Variants in KRT73 observed in about 807,000 individuals in gnomAD.
The protein encoded by KRT73 is keratin 73.
A neutral mutation model predicts 47.2 loss-of-function variants in KRT73; 44 were observed. That is an observed-to-expected ratio of 0.93 (90% CI 0.73 to 1.20). KRT73 has a LOEUF of 1.20. Among genes scored for constraint, KRT73 ranks in the 50% most tolerant of loss-of-function variants. KRT73 has a pLI of 0.00. For missense variants in KRT73, 713 were observed against 704.5 expected, an observed-to-expected ratio of 1.01 and a Z score of -0.14; for synonymous variants, 285 against 291.3, an observed-to-expected ratio of 0.98 and a Z score of 0.22.
upstream of KRT73, among the ~76,000 whole-genome samples, chr12:52,619,822 A>T (rs1940872961): frequency 6.6e-6 from 1 of 152,192 alleles, no homozygotes. Flanking sequence ...ATATATCCAT[A>T]GTATAGAATT....
At position 52,613,815 on chromosome 12, in the gene KRT73, G is replaced by C. The variant is rs1449855064; in HGVS notation, c.857C>G (p.Ser286Cys). The C allele has an allele frequency of 2.5e-6, 4 of 1,614,210 alleles. No individual in the cohort carries two copies. The East Asian group carries it at 8.9e-5, about 36-fold the overall frequency. ...AQIQSHISDT[S>C]IILSMDNNRN... ...GTTGTTGTCCATGGACAGGATGATG[G>C]ACGTGTCGCTGATGTGGGACTGGAT... is the stretch of plus-strand genomic sequence containing the variant. Residue 286 changes from serine to cysteine, a missense_variant, in exon 5 of 9, where the codon TCC becomes TGC. Coordinates refer to ENST00000305748, the MANE Select transcript of KRT73 (RefSeq NM_175068.3).
chr12:52,611,437 G>T, intron 5 of KRT73, 108 bp from the exon 6 acceptor site: 1 of 1,346,466 alleles, frequency 7.4e-7, no homozygotes, highest in Non-Finnish European at 1.0e-6. Context: ...GGTGGGTCCA[G>T]GTCCCCCGCC....
intron 7 of KRT73, 86 bp downstream of exon 7, chr12:52,610,529 G>GGGGGGGGGGCCCCCCCCC: frequency 3.4e-6 from 1 of 295,156 alleles, no homozygotes; most frequent in Non-Finnish European, 6.8e-6. Context: ...CCAGCTCGCC[G>GGGGGGGGGGCCCCCCCCC]CCCCCTCCCC....
chr12:52,623,443 T>C (rs1940929909), upstream of KRT73, among the ~76,000 whole-genome samples: 1 of 152,164 alleles, frequency 6.6e-6, no homozygotes, highest in Non-Finnish European at 1.5e-5. Context: ...TAAGAATGTG[T>C]TTCCAGCAGG....
rs150799717 is a variant in KRT73 at position 52,614,670 on chromosome 12, A to G, written c.728T>C (p.Val243Ala). The change falls in exon 4 of 9, where the codon GTG (valine) becomes GCG (alanine). Residue 243 changes from valine to alanine, a missense_variant. Transcript: ENST00000305748. ...CACTTTGCTCGTGTAAGCTGCGTCC[A>G]CGTCCTATGGAGAATCCAGATACCC... ...ENEFVVLKKD[V>A]DAAYTSKVEL... The G allele has an allele frequency of 3.1e-6, 5 of 1,613,038 alleles. No individual in the cohort carries two copies. Among genetic ancestry groups the G allele is most frequent in the South Asian group, 1.1e-5 (1 of 90,900 alleles).
At chr12:52,609,030 T>C (rs1045758686) in intron 8 of KRT73, among the ~76,000 whole-genome samples, 1 of 152,174 alleles carries the variant, frequency 6.6e-6, no homozygotes, top group Non-Finnish European at 1.5e-5. Flanking sequence ...TGAAAGAGGC[T>C]AGTGTGCAGT....
chr12:52,611,190 C>T lies in KRT73; in HGVS notation c.1110+14G>A. On this transcript the variant is annotated intron_variant, in intron 6 of 8. Transcript: ENST00000305748. Reference sequence around the variant, plus strand: ...CCCTTAGGAGTGAGTAAGGAAGGCTCCAGTCCCCTTCACCTGCTTCTTCAC... The same window carrying T: ...CCCTTAGGAGTGAGTAAGGAAGGCTTCAGTCCCCTTCACCTGCTTCTTCAC... 6.2e-7 allele frequency: 1 copy of T among 1,614,072 alleles called. No homozygotes were observed. The highest frequency in any genetic ancestry group is 8.5e-7 in the Non-Finnish European group (1 of 1,179,984).
intron 7 of KRT73, chr12:52,610,381 G>A: frequency 1.9e-6 from 1 of 527,748 alleles, no homozygotes; most frequent in East Asian, 3.5e-5. Context: ...CTGGCCATCT[G>A]AGAGGTGTTA....
chr12:52,610,463 C>G, intron 7 of KRT73, 152 bp downstream of exon 7: 1 of 739,838 alleles, frequency 1.4e-6, no homozygotes, highest in Middle Eastern at 3.8e-4. Flanking sequence ...ATTGCTGTCA[C>G]ATTATCTGGC....
chr12:52,618,315 G>A lies in KRT73; in HGVS notation c.210C>T (p.Gly70=). 1 of 1,614,170 alleles carries A rather than the reference G, an allele frequency of 6.2e-7. No individual in the cohort carries two copies. Among genetic ancestry groups the A allele is most frequent in the East Asian group, 2.2e-5 (1 of 44,880 alleles). ...NVASGSGWAG[G]YGFGRGRASG... is the part of the protein sequence containing the mutation. ...TGGCCCGGCCCCGGCCAAATCCATA[G>A]CCTCCTGCCCACCCACTGCCACTGG... The change falls in exon 1 of 9, where the codon GGC becomes GGT. Residue 70 remains glycine (G), a synonymous_variant. Transcript: ENST00000305748.
the KRT73 span, among the ~76,000 whole-genome samples, chr12:52,630,312 TGGGTC>T: frequency 5.3e-5 from 8 of 152,318 alleles, no homozygotes; most frequent in East Asian, 1.5e-3. Context: ...CTGTCTCCTC[TGGGTC>T]ACCCACCTGC....
chr12:52,610,062 C>CTGTTTGTTTGTTTGTTTGTT (rs61285190), intron 7 of KRT73: 1 of 158,338 alleles, frequency 6.3e-6, no homozygotes, highest in Non-Finnish European at 1.4e-5. Context: ...TGTGTTTTGT[C>CTGTTTGTTTGTTTGTTTGTT]TGTTTGTTTG....
the KRT73 span, among the ~76,000 whole-genome samples, chr12:52,627,845 C>T: frequency 6.6e-6 from 1 of 152,278 alleles, no homozygotes; most frequent in South Asian, 2.1e-4. Context: ...AATAGCACCC[C>T]TTCCAGTGTT....
chr12:52,616,316 T>A lies in KRT73; in HGVS notation c.512A>T (p.Asp171Val). Residue 171 changes from aspartate (D) to valine (V), a missense_variant, in exon 2 of 9, where the codon GAC becomes GTC. Asp to Val is a radical substitution (Grantham distance 152, BLOSUM62 -3). Transcript: ENST00000305748. ...ETKWELLQQL[D>V]LNNCKNNLEP... Reference sequence around the variant, plus strand: ...CAGGTTATTCTTGCAGTTGTTCAGGTCCAGCTGCTGTAGCAGCTCCCACTT... The same window carrying A: ...CAGGTTATTCTTGCAGTTGTTCAGGACCAGCTGCTGTAGCAGCTCCCACTT... The A allele has an allele frequency of 6.2e-7, 1 of 1,614,158 alleles. No individual in the cohort carries two copies. Among genetic ancestry groups the A allele is most frequent in the Non-Finnish European group, 8.5e-7 (1 of 1,180,024 alleles).
upstream of KRT73, among the ~76,000 whole-genome samples, chr12:52,620,810 A>G (rs981711594): frequency 6.6e-6 from 1 of 152,030 alleles, no homozygotes; most frequent in Non-Finnish European, 1.5e-5. Context: ...AGCCTCCCAC[A>G]TGTTGTTTGT....
At chr12:52,627,245 G>C in the KRT73 span, among the ~76,000 whole-genome samples, 1 of 152,174 alleles carries the variant, frequency 6.6e-6, no homozygotes, top group South Asian at 2.1e-4. Context: ...CTCTTCCCAA[G>C]ATAGCATCTG....
At position 52,608,420 on chromosome 12, in the gene KRT73, C is replaced by T; in HGVS notation, c.1399G>A (p.Gly467Ser). Reference protein sequence around the residue: ...VINSSMAGMAGTGAGFGFSNA... With the variant: ...VINSSMAGMASTGAGFGFSNA... Reference sequence around the variant, plus strand: ...CTGAATCCAAAGCCAGCCCCTGTGCCTGCCATCCCGGCCATGGAGCTGTTG... The same window carrying T: ...CTGAATCCAAAGCCAGCCCCTGTGCTTGCCATCCCGGCCATGGAGCTGTTG... The change falls in exon 9 of 9, where the codon GGC becomes AGC. Residue 467 changes from glycine (G) to serine (S), a missense_variant. Physicochemically the swap from Gly to Ser is moderately conservative, Grantham distance 56. Transcript: ENST00000305748. 3.7e-6 allele frequency: 6 copies of T among 1,611,738 alleles called. No homozygotes were observed. The South Asian group carries it at 5.5e-5, about 15-fold the overall frequency.
intron 4 of KRT73, 161 bp downstream of exon 4, chr12:52,614,418 C>G (rs1940768486): frequency 1.7e-6 from 1 of 577,890 alleles, no homozygotes; most frequent in Non-Finnish European, 3.0e-6. Flanking sequence ...GGATGGGGCA[C>G]CAGGATAGAT....
Position 52,616,354 on chromosome 12 carries a change from C to T in KRT73, c.474G>A (p.Gln158=). 6.2e-7 allele frequency: 1 copy of T among 1,614,196 alleles called. No homozygotes were observed. The highest frequency in any genetic ancestry group is 2.2e-5 in the East Asian group (1 of 44,866). The change falls in exon 2 of 9, where the codon CAG becomes CAA. Residue 158 remains glutamine, a synonymous_variant. Transcript: ENST00000305748. ...GCAGCTCCCACTTGGTCTCCAGCAC[C>T]TGGTTCTGCTGCTCCAGGAACCGCA... ...DKVRFLEQQN[Q]VLETKWELLQ...
Sources: allele counts gnomAD v4.1 joint callset (sites outside exome capture counted in the v4.1 genomes callset), GRCh38; gene constraint gnomAD v4.1.1; transcripts MANE v1.5; gene names NCBI Gene and HGNC (gene_info 2026-07-23, HGNC 2026-07-21).